The following DHX34 variants were observed in gnomAD, a reference collection of about 807,000 sequenced individuals.
DHX34 encodes the protein DExH-box helicase 34.
DHX34 carries 96 observed loss-of-function variants against 111.1 expected under a neutral mutation model. The ratio of observed to expected loss-of-function variants is 0.86; its 90% CI spans 0.73 to 1.02. The LOEUF is 1.02. Among genes scored for constraint, DHX34 ranks in the 50% least tolerant of loss-of-function variants. DHX34 has a pLI of 0.00. For missense variants in DHX34, 1,560 were observed against 1,579.9 expected (o/e 0.99, Z 0.21); for synonymous variants, 688 against 670.4 (o/e 1.03, Z -0.41).
At position 47,364,251 on chromosome 19, in the gene DHX34, CGT is replaced by C. The variant is rs529041102; in HGVS notation, c.1593+1560_1593+1561del. Among the ~76,000 whole-genome samples, 20 of 152,206 alleles carry C rather than the reference CGT, an allele frequency of 1.3e-4. No individual in the cohort carries two copies. The South Asian group carries it at 4.1e-3, about 32-fold the overall frequency. ...ACCACTCCTGGTCAGTCCTCAGTCT[CGT>C]GGCCACGCCCAACCGTGAAGGAGGC... On this transcript the variant is annotated intron_variant, in intron 6 of 16. Coordinates refer to ENST00000328771, the MANE Select transcript of DHX34 (RefSeq NM_014681.6).
chr19:47,362,747 C>T, intron 6 of DHX34, 54 bp downstream of exon 6: 1 of 1,456,538 alleles, frequency 6.9e-7, no homozygotes, highest in Non-Finnish European at 9.2e-7. Flanking sequence ...CAGGGAGGAA[C>T]CTGGGAGGCC....
Position 47,354,625 on chromosome 19 carries a change from C to T in DHX34, c.706-414C>T, listed in dbSNP as rs1343740122. Among the ~76,000 whole-genome samples the T allele has an allele frequency of 3.3e-5, 5 of 152,150 alleles. No individual in the cohort carries two copies. In the South Asian group the frequency reaches 1.0e-3, roughly 32 times the overall value. ...TGGACTCCAGAGTCTGATGGGTAGGCATGGTATTTGCTTAGATTTTCTTTT... is the reference window on the plus strand; with the variant it reads ...TGGACTCCAGAGTCTGATGGGTAGGTATGGTATTTGCTTAGATTTTCTTTT... On this transcript the variant is annotated intron_variant, in intron 2 of 16. Coordinates refer to ENST00000328771, the MANE Select transcript of DHX34 (RefSeq NM_014681.6).
intron 7 of DHX34, among the ~76,000 whole-genome samples, chr19:47,367,895 C>CAAA (rs1226350533): frequency 6.5e-5 from 3 of 46,098 alleles, no homozygotes; most frequent in African/African-American, 2.5e-4. Flanking sequence ...GACTCCATCT[C>CAAA]AAAAAAAAAA....
At position 47,375,602 on chromosome 19, in the gene DHX34, G is replaced by C. The variant is rs200092838; in HGVS notation, c.2201G>C (p.Arg734Pro). The change falls in exon 10 of 17, where the codon CGC (arginine) becomes CCC (proline). Residue 734 changes from arginine to proline, a missense_variant. Physicochemically the swap from Arg to Pro is moderately radical, Grantham distance 103. Coordinates refer to ENST00000328771, the MANE Select transcript of DHX34 (RefSeq NM_014681.6). ...CGCCAGCACGAGGAGGGCGCGGGGC[G>C]CAGGCGCAAGGTGCTGCGGCTGCAG... is the stretch of plus-strand genomic sequence containing the variant. ...LKRQHEEGAGRRRKVLRLQEE... is the reference protein window; with the variant it reads ...LKRQHEEGAGPRRKVLRLQEE... 5 of 1,547,156 alleles carry C rather than the reference G, an allele frequency of 3.2e-6. No individual in the cohort carries two copies. The highest frequency in any genetic ancestry group is 4.4e-6 in the Non-Finnish European group (5 of 1,149,408).
chr19:47,381,982 G>T lies in DHX34; in HGVS notation c.3301G>T (p.Ala1101Ser). 6.2e-7 allele frequency: 1 copy of T among 1,614,080 alleles called. No homozygotes were observed. The highest frequency in any genetic ancestry group is 8.5e-7 in the Non-Finnish European group (1 of 1,179,978). ...GCCTCCTCCTTTTCCTCCCTTAGGG[G>T]CTGAGGAAGCTGCCCTCGAAACCCT... ...PQAPQDGPPGAEEAALETLQK... is the reference protein window; with the variant it reads ...PQAPQDGPPGSEEAALETLQK... Residue 1101 changes from alanine (A) to serine (S), a missense_variant and splice_region_variant, in exon 17 of 17, where the codon GCT becomes TCT. Transcript: ENST00000328771.
rs754981357 is a variant in DHX34, at chr19:47,353,063, TCGC to T, written c.36_38del (p.Arg13del). On this transcript the variant is annotated inframe_deletion, in exon 2 of 17. Coordinates refer to ENST00000328771, the MANE Select transcript of DHX34 (RefSeq NM_014681.6). The surrounding 1 kb of genome is among the most constrained non-coding windows in gnomAD (Gnocchi z 4.6). ...CTCCTAGAACAAGGGAGGGCAGGGA[TCGC>T]CGAGACCACCACCGGGCTCCCAGCG... is the stretch of plus-strand genomic sequence containing the variant. 1.2e-6 allele frequency: 2 copies of T among 1,613,524 alleles called. No individual in the cohort carries two copies. The highest frequency in any genetic ancestry group is 1.7e-5 in the Admixed American group (1 of 59,982).
chr19:47,355,943 A>T (rs1400941178), intron 3 of DHX34, among the ~76,000 whole-genome samples: 1 of 151,992 alleles, frequency 6.6e-6, no homozygotes, highest in Middle Eastern at 3.4e-3. Flanking sequence ...CTGTTGGGCA[A>T]CTCTGTTCCA....
rs552787012 is a variant in DHX34 at position 47,362,643 on chromosome 19, T to C, written c.1543T>C (p.Tyr515His). Residue 515 changes from tyrosine to histidine, a missense_variant, in exon 6 of 17, where the codon TAC becomes CAC. Coordinates refer to ENST00000328771, the MANE Select transcript of DHX34 (RefSeq NM_014681.6). ...ATCGGACTATGATGCCTTCGCCCCC[T>C]ACCCCGTCCCAGAAATTCGGAGGGT... is the stretch of plus-strand genomic sequence containing the variant. ...AESDYDAFAP[Y>H]PVPEIRRVAL... is the part of the protein sequence containing the mutation. 1.2e-5 allele frequency: 19 copies of C among 1,613,480 alleles called. No individual in the cohort carries two copies. In the East Asian group the frequency reaches 3.8e-4, roughly 32 times the overall value.
chr19:47,373,757 C>G (rs552301888), intron 9 of DHX34, 57 bp downstream of exon 9: 3 of 1,561,980 alleles, frequency 1.9e-6, no homozygotes, highest in Admixed American at 1.9e-5. Flanking sequence ...TGTGTAAGCA[C>G]ACTCCAGAAC....
intron 5 of DHX34, among the ~76,000 whole-genome samples, chr19:47,361,049 G>T (rs1385698212): frequency 6.6e-6 from 1 of 152,196 alleles, no homozygotes; most frequent in African/African-American, 2.4e-5. Flanking sequence ...AGTCAGCATA[G>T]CATAGTGTTT....
intron 14 of DHX34, 59 bp from the exon 15 acceptor site, chr19:47,380,757 T>G: frequency 6.2e-7 from 1 of 1,603,990 alleles, no homozygotes; most frequent in South Asian, 1.1e-5. Context: ...TGGATCCAGG[T>G]GCTTTGGCGG....
chr19:47,373,634 G>C lies in DHX34; in HGVS notation c.1998G>C (p.Trp666Cys). The change falls in exon 9 of 17, where the codon TGG becomes TGC. Residue 666 changes from tryptophan (W) to cysteine (C), a missense_variant. Coordinates refer to ENST00000328771, the MANE Select transcript of DHX34 (RefSeq NM_014681.6). ...AACGGAGCAGAAACTCTCGCAAGTG[G>C]TGCCGCCGCCGGGGCATAGAGGAGC... ...KSERSRNSRK[W>C]CRRRGIEEHR... The C allele has an allele frequency of 6.2e-7, 1 of 1,613,980 alleles. No individual in the cohort carries two copies. Among genetic ancestry groups the C allele is most frequent in the African/African-American group, 1.3e-5 (1 of 75,062 alleles).
At chr19:47,371,523 G>T (rs1024195559) in intron 7 of DHX34, among the ~76,000 whole-genome samples, 1 of 152,194 alleles carries the variant, frequency 6.6e-6, no homozygotes, top group Non-Finnish European at 1.5e-5. Flanking sequence ...GGGTGTCCTG[G>T]AATAGGACAG....
chr19:47,357,710 G>C (rs1969496690), intron 3 of DHX34, 156 bp from the exon 4 acceptor site: 1 of 978,936 alleles, frequency 1.0e-6, no homozygotes, highest in East Asian at 1.1e-4. Flanking sequence ...ATCCCTGAAT[G>C]ACCACATGGA....
At chr19:47,373,732 C>G in intron 9 of DHX34, 32 bp downstream of exon 9, 1 of 1,603,646 alleles carries the variant, frequency 6.2e-7, no homozygotes, top group Non-Finnish European at 8.5e-7. Flanking sequence ...AAGGCCGGCC[C>G]CACTCAGGCA....
chr19:47,369,874 C>T lies in DHX34; in HGVS notation c.1768+2719C>T, dbSNP rs906621651. On this transcript the variant is annotated intron_variant, in intron 7 of 16. Coordinates refer to ENST00000328771, the MANE Select transcript of DHX34 (RefSeq NM_014681.6). ...CGGTTCTGTGAGGATCTGGAAAGGG[C>T]GGGTCCACAGAGGTCGACGGAGACC... Among the ~76,000 whole-genome samples the T allele has an allele frequency of 5.9e-5, 9 of 152,204 alleles. No individual in the cohort carries two copies. In the East Asian group the frequency reaches 9.7e-4, roughly 16 times the overall value.
chr19:47,376,032 CG>C lies in DHX34; in HGVS notation c.2420del (p.Gly807AlafsTer66). The C allele has an allele frequency of 6.2e-7, 1 of 1,604,158 alleles. No individual in the cohort carries two copies. The highest frequency in any genetic ancestry group is 8.5e-7 in the Non-Finnish European group (1 of 1,176,556). On this transcript the variant is annotated frameshift_variant, in exon 11 of 17. Transcript: ENST00000328771. LOFTEE classifies it high-confidence loss of function. ...QLALLKLVLG[R>X]GLYPQLAVPD... ...GGCTCTGCTGAAGCTGGTGCTGGGC[CG>C]GGGCCTGTACCCACAGCTGGCCGTC...
chr19:47,375,770 G>A, intron 10 of DHX34, 62 bp downstream of exon 10: 1 of 1,558,282 alleles, frequency 6.4e-7, no homozygotes, highest in Non-Finnish European at 8.6e-7. Context: ...CTCTCCTGGG[G>A]GGGTCCCAGG....
intron 6 of DHX34, among the ~76,000 whole-genome samples, chr19:47,363,606 C>A (rs1299850505): frequency 6.6e-6 from 1 of 151,908 alleles, no homozygotes; most frequent in Non-Finnish European, 1.5e-5. Flanking sequence ...TCACTTGATA[C>A]CAGGAGTTTG....
Sources: allele counts gnomAD v4.1 joint callset (sites outside exome capture counted in the v4.1 genomes callset), GRCh38; gene constraint gnomAD v4.1.1; non-coding constraint Gnocchi (gnomAD v3.1); transcripts MANE v1.5; gene names NCBI Gene and HGNC (gene_info 2026-07-23, HGNC 2026-07-21).